The following EIF4G3 variants were observed in gnomAD, a reference collection of about 807,000 sequenced individuals.
EIF4G3 encodes eIF-4-gamma 3.
EIF4G3 carries 34 observed loss-of-function variants against 186.4 expected under a neutral mutation model. The observed-to-expected ratio is 0.18, with a 90% CI of 0.14 to 0.24. The LOEUF (loss-of-function observed/expected upper bound fraction) is 0.24. Ranked by LOEUF, EIF4G3 falls within the 10% of genes least tolerant of loss-of-function variation. The pLI is 1.00. For missense variants in EIF4G3, 1,536 were observed against 1,948.5 expected, an observed-to-expected ratio of 0.79 and a Z score of 3.99; for synonymous variants, 673 against 679.5, an observed-to-expected ratio of 0.99 and a Z score of 0.15.
chr1:20,977,420 C>T (rs1395786196), intron 10 of EIF4G3, among the ~76,000 whole-genome samples: 1 of 152,126 alleles, frequency 6.6e-6, no homozygotes, highest in African/African-American at 2.4e-5. Context: ...CTCCTGACCT[C>T]GGGTGATCCA....
rs1553236849 is a variant in EIF4G3 at position 20,868,090 on chromosome 1, C to CTTTTTTTTCT, written c.2623-2829_2623-2828insAGAAAAAAAA. Among the ~76,000 whole-genome samples, 759 of 90,438 alleles carry CTTTTTTTTCT rather than the reference C, an allele frequency of 8.4e-3. 51 individuals carry two copies. The highest frequency in any genetic ancestry group is 0.029 in the African/African-American group (719 of 24,720). The allele number at this position is 90,438 out of a possible 152,430, so 59.3% of individuals were successfully genotyped here. A position where few individuals can be genotyped will look rare whatever the true frequency, so the allele number is the denominator to read the frequency against. On this transcript the variant is annotated intron_variant, in intron 20 of 36. Coordinates refer to ENST00000602326, the MANE Select transcript of EIF4G3 (RefSeq NM_001391906.1). ...GAGAATAGTGATTCATGGTGATTTT[C>CTTTTTTTTCT]TTTTTTTTTTTTTTTTGTCCTTAGG... is the stretch of plus-strand genomic sequence containing the variant.
At chr1:20,898,545 CT>C (rs960659758) in intron 16 of EIF4G3, among the ~76,000 whole-genome samples, 3 of 152,012 alleles carry the variant, frequency 2.0e-5, no homozygotes, top group African/African-American at 7.2e-5. Context: ...TTATATTATC[CT>C]TTTTTAAAAT....
chr1:20,983,952 C>T (rs997532276), intron 7 of EIF4G3, among the ~76,000 whole-genome samples: 3 of 152,108 alleles, frequency 2.0e-5, no homozygotes. Flanking sequence ...TATTTTCTTA[C>T]CACTATTTTC....
chr1:20,815,583 G>T (rs1193681380), intron 34 of EIF4G3, among the ~76,000 whole-genome samples: 3 of 151,780 alleles, frequency 2.0e-5, no homozygotes, highest in Admixed American at 2.0e-4. Context: ...CCCTCCGTCC[G>T]GCAGCCACCC....
chr1:20,932,378 A>T (rs2095350616), intron 14 of EIF4G3, among the ~76,000 whole-genome samples: 1 of 152,128 alleles, frequency 6.6e-6, no homozygotes, highest in Non-Finnish European at 1.5e-5. Flanking sequence ...GTAGCACTTT[A>T]AACTTCCTTC....
At chr1:21,068,954 C>T (rs998966444) in intron 3 of EIF4G3, among the ~76,000 whole-genome samples, 1 of 152,170 alleles carries the variant, frequency 6.6e-6, no homozygotes, top group Non-Finnish European at 1.5e-5. Context: ...AATGCTGGTA[C>T]ACAAAAAGTT....
At chr1:21,036,168 CAG>C (rs1478495191) in intron 4 of EIF4G3, among the ~76,000 whole-genome samples, 1 of 151,364 alleles carries the variant, frequency 6.6e-6, no homozygotes, top group Non-Finnish European at 1.5e-5. Context: ...CTGAGAGCTG[CAG>C]AGACAATGGG....
intron 31 of EIF4G3, among the ~76,000 whole-genome samples, chr1:20,828,097 A>G (rs964247620): frequency 5.3e-5 from 8 of 149,704 alleles, no homozygotes; most frequent in African/African-American, 2.0e-4. Context: ...CAGTGGCGCA[A>G]TCTTGGCTCA....
At chr1:20,933,282 A>G (rs2095398610) in intron 14 of EIF4G3, among the ~76,000 whole-genome samples, 1 of 152,218 alleles carries the variant, frequency 6.6e-6, no homozygotes, top group South Asian at 2.1e-4. Flanking sequence ...AATGACAAGC[A>G]TCCACACCTA....
In EIF4G3 at chr1:21,176,246, C is replaced by A; in HGVS notation, c.-343G>T. ...GGGGGACCGCTGCCGCCGCCGCCGC[C>A]GCCGCCGCCGCCGCCGCCGCTGCTG... On this transcript the variant is annotated 5_prime_UTR_variant, in exon 2 of 37. Coordinates refer to ENST00000602326, the MANE Select transcript of EIF4G3 (RefSeq NM_001391906.1). 1 of 374,172 alleles carries A rather than the reference C, an allele frequency of 2.7e-6. No homozygotes were observed. Among genetic ancestry groups the A allele is most frequent in the South Asian group, 8.7e-5 (1 of 11,554 alleles). 23.2% of individuals were successfully genotyped at this position (374,172 alleles called of 1,614,324 possible).
intron 14 of EIF4G3, among the ~76,000 whole-genome samples, chr1:20,913,582 A>AG (rs1328991326): frequency 6.6e-6 from 1 of 152,162 alleles, no homozygotes; most frequent in Non-Finnish European, 1.5e-5. Flanking sequence ...TTTTACTTCT[A>AG]GCTTTCATGT....
At chr1:20,938,902 T>C (rs1157768768) in intron 14 of EIF4G3, among the ~76,000 whole-genome samples, 1 of 151,764 alleles carries the variant, frequency 6.6e-6, no homozygotes, top group African/African-American at 2.4e-5. Flanking sequence ...AGGTCAGTAG[T>C]TCGAGACCAG....
rs2068376972 is a variant in EIF4G3, at chr1:20,840,963, T to A, written c.3954A>T (p.Gly1318=). 1 of 1,614,006 alleles carries A rather than the reference T, an allele frequency of 6.2e-7. No homozygotes were observed. The highest frequency in any genetic ancestry group is 1.1e-5 in the South Asian group (1 of 91,088). ...GGCTCCTTTCCAGGGTGGACTCCACTCCCACTCTCACAAAAACATGTAGTA... is the reference window on the plus strand; with the variant it reads ...GGCTCCTTTCCAGGGTGGACTCCACACCCACTCTCACAAAAACATGTAGTA... ...QGLLHVFVRV[G]VESTLERSQI... is the part of the protein sequence containing the mutation. Residue 1318 remains glycine, a synonymous_variant, in exon 30 of 37, where the codon GGA becomes GGT. Transcript: ENST00000602326.
At chr1:20,909,525 A>G (rs1256711518) in intron 14 of EIF4G3, among the ~76,000 whole-genome samples, 1 of 152,222 alleles carries the variant, frequency 6.6e-6, no homozygotes, top group Non-Finnish European at 1.5e-5. Context: ...ACAGATATAA[A>G]GTTAAAAAAA....
intron 2 of EIF4G3, among the ~76,000 whole-genome samples, chr1:21,147,000 C>A (rs540424496): frequency 1.8e-4 from 27 of 152,034 alleles, no homozygotes; most frequent in Non-Finnish European, 3.5e-4. Context: ...CAGTGGCTCC[C>A]GCTTATAACC....
At chr1:20,874,811 T>G (rs2080280744) in intron 20 of EIF4G3, among the ~76,000 whole-genome samples, 1 of 152,240 alleles carries the variant, frequency 6.6e-6, no homozygotes, top group Non-Finnish European at 1.5e-5. Context: ...CTCCTTGATA[T>G]TCTTATAAAA....
At chr1:20,965,273 T>C (rs2074361692) in intron 12 of EIF4G3, among the ~76,000 whole-genome samples, 1 of 152,154 alleles carries the variant, frequency 6.6e-6, no homozygotes, top group Admixed American at 6.5e-5. Context: ...CTCTTTAAAC[T>C]TCCCCATGTA....
intron 3 of EIF4G3, among the ~76,000 whole-genome samples, chr1:21,059,698 T>C (rs1002539036): frequency 2.0e-5 from 3 of 152,224 alleles, no homozygotes; most frequent in African/African-American, 7.2e-5. Context: ...ATTCAAGTAA[T>C]ACTTAAAAAC....
chr1:20,961,859 A>G (rs1276481984), intron 12 of EIF4G3, among the ~76,000 whole-genome samples: 1 of 152,250 alleles, frequency 6.6e-6, no homozygotes, highest in Non-Finnish European at 1.5e-5. Flanking sequence ...AAAGAAAAAT[A>G]TAATTTAATT....
Sources: allele counts gnomAD v4.1 joint callset (sites outside exome capture counted in the v4.1 genomes callset), GRCh38; gene constraint gnomAD v4.1.1; transcripts MANE v1.5; gene names NCBI Gene and HGNC (gene_info 2026-07-23, HGNC 2026-07-21).